COL28A1: variants seen among roughly 807,000 people sequenced by gnomAD.
COL28A1 encodes collagen alpha-1(XXVIII) chain.
Under a neutral mutation model 150.2 loss-of-function variants are expected in COL28A1, and 161 were observed. The ratio of observed to expected loss-of-function variants is 1.07; its 90% CI spans 0.94 to 1.22. COL28A1 has a LOEUF of 1.22. COL28A1 is among the 50% of genes most tolerant of loss of function. The pLI, the probability that COL28A1 is intolerant of heterozygous loss-of-function variation, is 0.00. For missense variants in COL28A1, 1,617 were observed against 1,388.3 expected, an observed-to-expected ratio of 1.16 and a Z score of -2.62; for synonymous variants, 552 against 469.7, an observed-to-expected ratio of 1.18 and a Z score of -2.26.
At chr7:7,397,880 C>T (rs1782933317) in intron 27 of COL28A1, among the ~76,000 whole-genome samples, 2 of 152,226 alleles carry the variant, frequency 1.3e-5, no homozygotes, top group Non-Finnish European at 2.9e-5. Context: ...CTCCTACTCT[C>T]ATCGCATAAT....
intron 25 of COL28A1, chr7:7,431,690 A>G (rs1011123952): frequency 5.2e-5 from 24 of 461,874 alleles, no homozygotes; most frequent in South Asian, 9.4e-5. Flanking sequence ...GGAATGGTAT[A>G]TGCTCTGATT....
intron 1 of COL28A1, 95 bp from the exon 2 acceptor site, chr7:7,533,007 C>A: frequency 7.9e-7 from 1 of 1,258,172 alleles, no homozygotes. Context: ...TGGCATGTGA[C>A]TGGAAAAAAG....
At chr7:7,465,485 A>G (rs1458345954) in intron 15 of COL28A1, among the ~76,000 whole-genome samples, 1 of 139,820 alleles carries the variant, frequency 7.2e-6, no homozygotes, top group Non-Finnish European at 1.6e-5. Flanking sequence ...TTGCTAGCAC[A>G]GCAGTCTGAG....
intron 11 of COL28A1, among the ~76,000 whole-genome samples, chr7:7,500,478 C>T (rs1352001247): frequency 6.6e-6 from 1 of 152,158 alleles, no homozygotes; most frequent in Non-Finnish European, 1.5e-5. Flanking sequence ...TCATATCTGT[C>T]CAGTTCTTCT....
intron 8 of COL28A1, chr7:7,511,712 G>T (rs971542390): frequency 2.1e-6 from 1 of 470,366 alleles, no homozygotes; most frequent in East Asian, 7.0e-5. Context: ...AAGTGAGATT[G>T]CATCGTGAGT....
chr7:7,492,314 C>A (rs192726401), intron 11 of COL28A1, among the ~76,000 whole-genome samples: 5 of 152,004 alleles, frequency 3.3e-5, no homozygotes, highest in Non-Finnish European at 7.4e-5. Context: ...TGGCTCATGC[C>A]TGTAATCCCA....
intron 25 of COL28A1, among the ~76,000 whole-genome samples, chr7:7,429,221 T>C (rs543644766): frequency 0.012 from 1,873 of 152,266 alleles, 22 homozygotes; most frequent in Middle Eastern, 0.037. Flanking sequence ...CACACACACA[T>C]ATATACAGTT....
At chr7:7,367,378 T>C (rs1409148943) in intron 33 of COL28A1, among the ~76,000 whole-genome samples, 1 of 152,234 alleles carries the variant, frequency 6.6e-6, no homozygotes, top group Non-Finnish European at 1.5e-5. Context: ...TTGTTCAAAC[T>C]AAATATCAAT....
intron 33 of COL28A1, among the ~76,000 whole-genome samples, chr7:7,369,657 A>C (rs1426986229): frequency 6.6e-6 from 1 of 152,198 alleles, no homozygotes; most frequent in African/African-American, 2.4e-5. Context: ...TGAACAGGAT[A>C]CGAGAATCTA....
At chr7:7,359,553 T>C (rs1333605457) in intron 34 of COL28A1, among the ~76,000 whole-genome samples, 1 of 152,180 alleles carries the variant, frequency 6.6e-6, no homozygotes, top group East Asian at 1.9e-4. Flanking sequence ...TTGATTAGTA[T>C]TTCCTACTTC....
intron 10 of COL28A1, among the ~76,000 whole-genome samples, chr7:7,506,342 G>C (rs1431287066): frequency 6.6e-6 from 1 of 152,116 alleles, no homozygotes; most frequent in Non-Finnish European, 1.5e-5. Flanking sequence ...CAACGTTCTT[G>C]ACTCCTTTTA....
At chr7:7,418,103 G>A (rs572604710) in intron 26 of COL28A1, among the ~76,000 whole-genome samples, 176 bp from the exon 27 acceptor site, 16 of 152,312 alleles carry the variant, frequency 1.1e-4, no homozygotes, top group Non-Finnish European at 2.2e-4. Flanking sequence ...TTAAACCACA[G>A]AATTCTATGC....
intron 13 of COL28A1, among the ~76,000 whole-genome samples, chr7:7,486,332 G>A (rs563176817): frequency 6.6e-6 from 1 of 152,214 alleles, no homozygotes; most frequent in Admixed American, 6.5e-5. Context: ...AATTCTAGGA[G>A]GTTTTTGTAT....
intron 11 of COL28A1, among the ~76,000 whole-genome samples, chr7:7,499,145 G>C (rs549172946): frequency 6.6e-6 from 1 of 152,242 alleles, no homozygotes; most frequent in South Asian, 2.1e-4. Context: ...AGCAAGAATT[G>C]CTGGATTACT....
upstream of COL28A1, among the ~76,000 whole-genome samples, chr7:7,539,155 T>G (rs571220852): frequency 2.6e-5 from 4 of 152,304 alleles, no homozygotes; most frequent in African/African-American, 9.6e-5. Flanking sequence ...TTTGTGTTGC[T>G]ATAAAGGAAT....
chr7:7,519,462 T>C (rs1401513579), intron 6 of COL28A1, among the ~76,000 whole-genome samples: 2 of 152,212 alleles, frequency 1.3e-5, no homozygotes, highest in Non-Finnish European at 2.9e-5. Context: ...AATTTTGCCT[T>C]AAATTTTCAC....
intron 13 of COL28A1, among the ~76,000 whole-genome samples, chr7:7,477,694 T>C (rs551005022): frequency 1.3e-5 from 2 of 152,288 alleles, no homozygotes; most frequent in Non-Finnish European, 1.5e-5. Flanking sequence ...ACAGCTCATA[T>C]AGGCAGTGTG....
the COL28A1 span, among the ~76,000 whole-genome samples, chr7:7,540,908 C>CTGACAGCCCATGTTTT: frequency 0.91 from 138,203 of 152,098 alleles, 62,846 homozygotes; most frequent in East Asian, 0.94. Flanking sequence ...ACTTCAATAA[C>CTGACAGCCCATGTTTT]TGATCCCTAA....
intron 30 of COL28A1, among the ~76,000 whole-genome samples, chr7:7,377,837 G>A (rs1397756594): frequency 6.8e-6 from 1 of 146,948 alleles, no homozygotes; most frequent in African/African-American, 2.5e-5. Context: ...GACATCAGAA[G>A]GCTGTGGTAG....
Sources: gnomAD v4.1 joint callset for allele counts (sites outside exome capture counted in the v4.1 genomes callset) on GRCh38, gnomAD v4.1.1 for gene constraint, MANE v1.5 for transcripts, NCBI Gene and HGNC (gene_info 2026-07-23, HGNC 2026-07-21) for gene names.